The following RPE65 variants were observed in gnomAD, a reference collection of about 807,000 sequenced individuals.
RPE65 encodes retinoid isomerohydrolase RPE65, also known as retinoid isomerohydrolase.
Under a neutral mutation model 68.5 loss-of-function variants are expected in RPE65, and 58 were observed. That is an observed-to-expected ratio of 0.85 (90% CI 0.69 to 1.05). RPE65 has a LOEUF of 1.05. RPE65 is among the 50% of genes least tolerant of loss of function. The probability of loss-of-function intolerance (pLI) is 0.00; values close to 1 mark genes in which losing one functional copy is unlikely to be tolerated. For missense variants in RPE65, 643 were observed against 629.9 expected (o/e 1.02, Z -0.22); for synonymous variants, 220 against 222.2 (o/e 0.99, Z 0.09).
Position 68,429,600 on chromosome 1 carries a change from TAA to T in RPE65, c.*174_*175del. On this transcript the variant is annotated 3_prime_UTR_variant, in exon 14 of 14. Coordinates refer to ENST00000262340, the MANE Select transcript of RPE65 (RefSeq NM_000329.3). ...TTATCTAAATACGTACTTTTTTTTT[TAA>T]ATAAAGGAATTGCTTGCTCAACTCA... is the stretch of plus-strand genomic sequence containing the variant. The T allele has an allele frequency of 1.5e-6, 1 of 665,526 alleles. No individual in the cohort carries two copies. Among genetic ancestry groups the T allele is most frequent in the Admixed American group, 2.7e-5 (1 of 36,724 alleles). 41.2% of individuals were successfully genotyped at this position (665,526 alleles called of 1,614,324 possible). A position where few individuals can be genotyped will look rare whatever the true frequency, so the allele number is the denominator to read the frequency against.
chr1:68,434,137 C>T (rs1427339236), intron 10 of RPE65, among the ~76,000 whole-genome samples: 1 of 150,832 alleles, frequency 6.6e-6, no homozygotes, highest in Non-Finnish European at 1.5e-5. Context: ...CACACACACA[C>T]ACATATACAT....
rs368088025 is a variant in RPE65 at position 68,446,825 on chromosome 1, G to A, written c.130C>T (p.Arg44Ter). 22 of 1,613,810 alleles carry A rather than the reference G, an allele frequency of 1.4e-5. No individual in the cohort carries two copies. Among genetic ancestry groups the A allele is most frequent in the East Asian group, 2.2e-5 (1 of 44,898 alleles). ...IPLWLTGSLL[R>*]CGPGLFEVGS... Reference sequence around the variant, plus strand: ...ACTTCAAAGAGTCCTGGCCCACATCGAAGGAGACTGCCGGTGAGCCAGAGG... The same window carrying A: ...ACTTCAAAGAGTCCTGGCCCACATCAAAGGAGACTGCCGGTGAGCCAGAGG... Residue 44 changes from arginine (R) to a stop codon, truncating the protein, a stop_gained, in exon 3 of 14, where the codon CGA (arginine) becomes TGA (stop). Coordinates refer to ENST00000262340, the MANE Select transcript of RPE65 (RefSeq NM_000329.3). LOFTEE classifies it high-confidence loss of function.
At chr1:68,439,720 T>C (rs531829740) in intron 6 of RPE65, 78 bp from the exon 7 acceptor site, 324 of 1,094,420 alleles carry the variant, frequency 3.0e-4, no homozygotes, top group Non-Finnish European at 4.4e-4. Flanking sequence ...GAACAGCTTA[T>C]ACAGGCAAAG....
At position 68,446,730 on chromosome 1, in the gene RPE65, T is replaced by C. The variant is rs1412399433; in HGVS notation, c.225A>G (p.Gly75=). The change falls in exon 3 of 14, where the codon GGA becomes GGG. Residue 75 remains glycine (G), a synonymous_variant. Coordinates refer to ENST00000262340, the MANE Select transcript of RPE65 (RefSeq NM_000329.3). ...TTTACCTTCTGTGGTATGTGACATG[T>C]CCTTCTTTAAAGTCAAACTTGTGCA... ...ALLHKFDFKE[G]HVTYHRRFIR... 6.2e-7 allele frequency: 1 copy of C among 1,614,080 alleles called. No homozygotes were observed.
At chr1:68,445,912 T>C (rs186445520) in intron 3 of RPE65, among the ~76,000 whole-genome samples, 2 of 152,016 alleles carry the variant, frequency 1.3e-5, no homozygotes, top group East Asian at 3.9e-4. Context: ...ACATTTCTGC[T>C]TGACATCATC....
chr1:68,430,585 T>C (rs1645818997), intron 13 of RPE65, among the ~76,000 whole-genome samples: 2 of 152,194 alleles, frequency 1.3e-5, no homozygotes, highest in South Asian at 4.1e-4. Context: ...GTAATTTGAG[T>C]TGCTGTATCT....
In RPE65 at chr1:68,428,884, G is replaced by A. The variant is rs1266718944; in HGVS notation, c.*892C>T. On this transcript the variant is annotated 3_prime_UTR_variant, in exon 14 of 14. Coordinates refer to ENST00000262340, the MANE Select transcript of RPE65 (RefSeq NM_000329.3). ...AAGAAAAGAAATTTAAAAACAAAAGGCTTAAAATGTATTAATACCTCAATG... is the reference window on the plus strand; with the variant it reads ...AAGAAAAGAAATTTAAAAACAAAAGACTTAAAATGTATTAATACCTCAATG... The A allele has an allele frequency of 2.0e-5, 3 of 151,986 alleles. No individual in the cohort carries two copies. The highest frequency in any genetic ancestry group is 4.4e-5 in the Non-Finnish European group (3 of 67,928). The allele number at this position is 151,986 out of a possible 1,614,324, so 9.4% of individuals were successfully genotyped here. A position where few individuals can be genotyped will look rare whatever the true frequency, so the allele number is the denominator to read the frequency against.
In RPE65 at chr1:68,428,890, A is replaced by G. The variant is rs111811751; in HGVS notation, c.*886T>C. 29 of 152,262 alleles carry G rather than the reference A, an allele frequency of 1.9e-4. No homozygotes were observed. The highest frequency in any genetic ancestry group is 4.0e-4 in the Non-Finnish European group (27 of 67,974). 9.4% of individuals were successfully genotyped at this position (152,262 alleles called of 1,614,324 possible). On this transcript the variant is annotated 3_prime_UTR_variant, in exon 14 of 14. Coordinates refer to ENST00000262340, the MANE Select transcript of RPE65 (RefSeq NM_000329.3). ...AGAAATTTAAAAACAAAAGGCTTAAAATGTATTAATACCTCAATGTTAATA... is the reference window on the plus strand; with the variant it reads ...AGAAATTTAAAAACAAAAGGCTTAAGATGTATTAATACCTCAATGTTAATA...
chr1:68,448,910 G>A (rs1356056931), intron 1 of RPE65, among the ~76,000 whole-genome samples: 1 of 144,646 alleles, frequency 6.9e-6, no homozygotes, highest in Admixed American at 6.9e-5. Context: ...TGGGGGTGGG[G>A]AAGACTACTC....
intron 3 of RPE65, among the ~76,000 whole-genome samples, chr1:68,445,420 C>T (rs1213193392): frequency 6.6e-6 from 1 of 152,078 alleles, no homozygotes; most frequent in Non-Finnish European, 1.5e-5. Flanking sequence ...CTAGACAGGT[C>T]TGCTAAACCA....
At chr1:68,431,761 G>A (rs1323712616) in intron 10 of RPE65, among the ~76,000 whole-genome samples, 176 bp from the exon 11 acceptor site, 1 of 152,048 alleles carries the variant, frequency 6.6e-6, no homozygotes, top group East Asian at 1.9e-4. Flanking sequence ...ATCTGTGCCT[G>A]TGTCAGTCAC....
chr1:68,434,408 C>T (rs575952305), intron 10 of RPE65, among the ~76,000 whole-genome samples: 1 of 151,954 alleles, frequency 6.6e-6, no homozygotes, highest in East Asian at 1.9e-4. Context: ...GAAGAGAAGA[C>T]AGGAGATTTT....
intron 5 of RPE65, among the ~76,000 whole-genome samples, chr1:68,441,231 G>T (rs556284650): frequency 1.1e-4 from 17 of 152,038 alleles, no homozygotes; most frequent in Non-Finnish European, 2.2e-4. Flanking sequence ...CTCTTTATTT[G>T]ATGTATACCA....
At chr1:68,438,161 C>A in intron 10 of RPE65, 26 bp downstream of exon 10, 1 of 1,613,416 alleles carries the variant, frequency 6.2e-7, no homozygotes, top group Non-Finnish European at 8.5e-7. Context: ...CTGGTTAAAT[C>A]TGAAATCTAC....
intron 2 of RPE65, among the ~76,000 whole-genome samples, chr1:68,447,440 G>A (rs547517446): frequency 5.9e-5 from 9 of 152,250 alleles, no homozygotes; most frequent in Non-Finnish European, 1.2e-4. Flanking sequence ...GGATGTCAGG[G>A]ACATGACTTC....
rs577193739 is a variant in RPE65, at chr1:68,439,585, C to A, written c.701G>T (p.Arg234Leu). Reference sequence around the variant, plus strand: ...CCTATGAACGTAAGATGGCTTGAATCGGTCACTGCAGGGGAATTGTACAAC... The same window carrying A: ...CCTATGAACGTAAGATGGCTTGAATAGGTCACTGCAGGGGAATTGTACAAC... ...EIVVQFPCSDRFKPSYVHSFG... is the reference protein window; with the variant it reads ...EIVVQFPCSDLFKPSYVHSFG... Residue 234 changes from arginine (R) to leucine (L), a missense_variant, in exon 7 of 14, where the codon CGA becomes CTA. By Grantham distance (102) the Arg-to-Leu change is moderately radical. Transcript: ENST00000262340. The A allele has an allele frequency of 1.2e-6, 2 of 1,613,760 alleles. No individual in the cohort carries two copies. Among genetic ancestry groups the A allele is most frequent in the Non-Finnish European group, 1.7e-6 (2 of 1,179,802 alleles).
intron 9 of RPE65, 107 bp downstream of exon 9, chr1:68,438,835 T>A: frequency 7.2e-7 from 1 of 1,381,778 alleles, no homozygotes; most frequent in Non-Finnish European, 1.0e-6. Context: ...CTCACATAAC[T>A]CTTGCTGTTT....
At chr1:68,438,404 G>A in intron 9 of RPE65, 88 bp from the exon 10 acceptor site, 2 of 1,475,430 alleles carry the variant, frequency 1.4e-6, no homozygotes, top group Non-Finnish European at 1.9e-6. Flanking sequence ...ACAAGTGCCT[G>A]CCTGTTCTTT....
At chr1:68,445,473 T>C (rs954517119) in intron 3 of RPE65, among the ~76,000 whole-genome samples, 1 of 152,106 alleles carries the variant, frequency 6.6e-6, no homozygotes, top group Non-Finnish European at 1.5e-5. Context: ...ATTTCTGATA[T>C]GGAGAGCCAG....
Sources: gnomAD v4.1 joint callset for allele counts (sites outside exome capture counted in the v4.1 genomes callset) on GRCh38, gnomAD v4.1.1 for gene constraint, MANE v1.5 for transcripts, NCBI Gene and HGNC (gene_info 2026-07-23, HGNC 2026-07-21) for gene names.